ASIC2: variants seen among roughly 807,000 people sequenced by gnomAD.
ASIC2 encodes the protein acid sensing ion channel subunit 2, also known as acid-sensing ion channel 2.
ASIC2 carries 25 observed loss-of-function variants against 57.3 expected under a neutral mutation model. That is an observed-to-expected ratio of 0.44 (90% CI 0.32 to 0.61). The LOEUF (loss-of-function observed/expected upper bound fraction) is 0.61. ASIC2 is among the 20% of genes least tolerant of loss of function. The probability of loss-of-function intolerance (pLI) is 0.06; values close to 1 mark genes in which losing one functional copy is unlikely to be tolerated. For missense variants in ASIC2, 641 were observed against 738.1 expected (o/e 0.87, Z 1.52); for synonymous variants, 319 against 307.5 (o/e 1.04, Z -0.39).
chr17:33,282,638 C>G (rs1905004422), intron 1 of ASIC2, among the ~76,000 whole-genome samples: 1 of 152,122 alleles, frequency 6.6e-6, no homozygotes, highest in Non-Finnish European at 1.5e-5. Flanking sequence ...TCAGACCCGA[C>G]TAATTTTTGA....
rs534349534 is a variant in ASIC2 at position 33,116,536 on chromosome 17, G to A, written c.709-4469C>T. On this transcript the variant is annotated intron_variant, in intron 1 of 9. Transcript: ENST00000225823. ...TGTGGATGGCAGGGCTGCATTTGCC[G>A]GGTTGCTGAGAGTCTAGAATTGCAC... Among the ~76,000 whole-genome samples, 7 of 152,290 alleles carry A rather than the reference G, an allele frequency of 4.6e-5. No homozygotes were observed. The South Asian group carries it at 1.5e-3, about 32-fold the overall frequency.
intron 1 of ASIC2, among the ~76,000 whole-genome samples, chr17:33,845,060 T>C (rs895439284): frequency 4.6e-5 from 7 of 152,192 alleles, no homozygotes; most frequent in Admixed American, 6.5e-5. Context: ...GAACAGATTA[T>C]GGGGGAAGCT....
intron 1 of ASIC2, among the ~76,000 whole-genome samples, chr17:33,127,580 A>G (rs868801664): frequency 9.9e-5 from 15 of 152,036 alleles, no homozygotes; most frequent in Middle Eastern, 3.4e-3. Flanking sequence ...AAGTTTCACA[A>G]CTCTTTTTCT....
chr17:33,486,435 T>C (rs1164741577), intron 1 of ASIC2, among the ~76,000 whole-genome samples: 1 of 152,228 alleles, frequency 6.6e-6, no homozygotes, highest in African/African-American at 2.4e-5. Flanking sequence ...TCACGTTTTT[T>C]CCTGGAGCCT....
intron 1 of ASIC2, among the ~76,000 whole-genome samples, chr17:34,126,725 G>A (rs1445485615): frequency 6.6e-6 from 1 of 152,196 alleles, no homozygotes; most frequent in Non-Finnish European, 1.5e-5. Context: ...GCAGGGGATG[G>A]AGGTGGATGG....
chr17:33,657,597 C>T (rs1220544888), intron 1 of ASIC2, among the ~76,000 whole-genome samples: 1 of 151,904 alleles, frequency 6.6e-6, no homozygotes, highest in Non-Finnish European at 1.5e-5. Flanking sequence ...GAGACAAAAT[C>T]ACTTAACTAA....
chr17:33,477,719 C>T (rs563756727), intron 1 of ASIC2, among the ~76,000 whole-genome samples: 17 of 152,316 alleles, frequency 1.1e-4, no homozygotes, highest in African/African-American at 4.1e-4. Context: ...GGAAGACAGC[C>T]ATTCACATGG....
rs141154219 is a variant in ASIC2 at position 33,765,154 on chromosome 17, A to G, written c.555+390824T>C. Among the ~76,000 whole-genome samples the G allele has an allele frequency of 8.9e-3, 1,360 of 151,962 alleles. 16 individuals carry two copies. Among genetic ancestry groups the G allele is most frequent in the African/African-American group, 0.031 (1,295 of 41,468 alleles). Reference sequence around the variant, plus strand: ...GGAGTCTCGCTCTGTCGCCCAGGCTAGAGTGCAGTGGCGCTATCTTGGCTC... The same window carrying G: ...GGAGTCTCGCTCTGTCGCCCAGGCTGGAGTGCAGTGGCGCTATCTTGGCTC... On this transcript the variant is annotated intron_variant, in intron 1 of 9. Transcript: ENST00000359872.
chr17:33,526,736 C>T (rs1033316276), intron 1 of ASIC2, among the ~76,000 whole-genome samples: 66 of 151,778 alleles, frequency 4.3e-4, no homozygotes, highest in Admixed American at 4.0e-3. Flanking sequence ...ATGGAAAGTC[C>T]GCCAACCAGA....
chr17:33,659,378 CAG>C, intron 1 of ASIC2, among the ~76,000 whole-genome samples: 1 of 152,282 alleles, frequency 6.6e-6, no homozygotes, highest in East Asian at 1.9e-4. Flanking sequence ...GTGCAGACAT[CAG>C]AGAGTGTGCT....
intron 1 of ASIC2, among the ~76,000 whole-genome samples, chr17:33,667,138 A>G (rs954212818): frequency 2.0e-5 from 3 of 152,178 alleles, no homozygotes; most frequent in Non-Finnish European, 2.9e-5. Flanking sequence ...AACGATTCTA[A>G]ATCTCAGCCG....
At chr17:33,651,860 A>G (rs1193568950) in intron 1 of ASIC2, among the ~76,000 whole-genome samples, 1 of 152,150 alleles carries the variant, frequency 6.6e-6, no homozygotes, top group Non-Finnish European at 1.5e-5. Context: ...GACAAAAGAG[A>G]GTGAGGTGGA....
At chr17:33,507,473 T>A (rs1366660807) in intron 1 of ASIC2, among the ~76,000 whole-genome samples, 1 of 152,256 alleles carries the variant, frequency 6.6e-6, no homozygotes, top group Non-Finnish European at 1.5e-5. Context: ...GTTTGCATCC[T>A]CTTATGCCAA....
chr17:33,537,987 T>C (rs533196769), intron 1 of ASIC2, among the ~76,000 whole-genome samples: 19 of 152,332 alleles, frequency 1.2e-4, no homozygotes, highest in African/African-American at 4.6e-4. Context: ...ACTTAACCTC[T>C]CTGATTCTCA....
At chr17:33,771,643 C>G (rs1359017530) in intron 1 of ASIC2, among the ~76,000 whole-genome samples, 1 of 152,130 alleles carries the variant, frequency 6.6e-6, no homozygotes, top group Non-Finnish European at 1.5e-5. Flanking sequence ...TTCCCTGTCT[C>G]ACTGCAAAAC....
intron 1 of ASIC2, among the ~76,000 whole-genome samples, chr17:34,027,712 C>T (rs1907431042): frequency 6.6e-6 from 1 of 152,180 alleles, no homozygotes. Flanking sequence ...CTAGCTCTGT[C>T]GTTAGCACAC....
intron 1 of ASIC2, among the ~76,000 whole-genome samples, chr17:34,079,985 G>C (rs1253755974): frequency 2.7e-5 from 1 of 36,800 alleles, no homozygotes; most frequent in Non-Finnish European, 7.1e-5. Context: ...GGGTAAGATA[G>C]GGAAGATGAT....
intron 1 of ASIC2, among the ~76,000 whole-genome samples, chr17:33,486,991 C>T (rs1253228083): frequency 6.6e-6 from 1 of 152,164 alleles, no homozygotes; most frequent in African/African-American, 2.4e-5. Flanking sequence ...GGGGCAGATG[C>T]AGAAAGGCTG....
intron 1 of ASIC2, among the ~76,000 whole-genome samples, chr17:33,783,724 A>G (rs951458447): frequency 6.6e-6 from 1 of 152,228 alleles, no homozygotes; most frequent in Non-Finnish European, 1.5e-5. Flanking sequence ...AAAAACATGA[A>G]TGAAGGGGAA....
Sources: allele counts gnomAD v4.1 joint callset (sites outside exome capture counted in the v4.1 genomes callset), GRCh38; gene constraint gnomAD v4.1.1; transcripts MANE v1.5; gene names NCBI Gene and HGNC (gene_info 2026-07-23, HGNC 2026-07-21).